SLC4A9: variants seen among roughly 807,000 people sequenced by gnomAD.
SLC4A9 encodes solute carrier family 4 member 9.
SLC4A9 carries 102 observed loss-of-function variants against 103.2 expected under a neutral mutation model. That is an observed-to-expected ratio of 0.99 (90% CI 0.84 to 1.17). SLC4A9 has a LOEUF of 1.17. SLC4A9 is among the 50% of genes most tolerant of loss of function. The pLI is 0.00. For missense variants in SLC4A9, 1,091 were observed against 1,193.7 expected (o/e 0.91, Z 1.27); for synonymous variants, 453 against 483.6 (o/e 0.94, Z 0.83).
chr5:140,362,024 A>G lies in SLC4A9; in HGVS notation c.569A>G (p.Asn190Ser). Residue 190 changes from asparagine to serine, a missense_variant, in exon 5 of 22, where the codon AAC becomes AGC. Asn to Ser is a conservative substitution (Grantham distance 46). Coordinates refer to ENST00000506757, the MANE Select transcript of SLC4A9 (RefSeq NM_031467.3). Reference sequence around the variant, plus strand: ...CCTTGAACCCCCATCCAGTGTCAGAACCCCCTGAGACAGAAGCTACCTCCA... The same window carrying G: ...CCTTGAACCCCCATCCAGTGTCAGAGCCCCCTGAGACAGAAGCTACCTCCA... ...EEAPLREQCQ[N>S]PLRQKLPPGA... 2 of 1,610,942 alleles carry G rather than the reference A, an allele frequency of 1.2e-6. No homozygotes were observed. The highest frequency in any genetic ancestry group is 8.5e-7 in the Non-Finnish European group (1 of 1,179,174).
intron 20 of SLC4A9, 165 bp from the exon 21 acceptor site, chr5:140,372,580 A>G (rs1768882493): frequency 6.9e-7 from 1 of 1,441,742 alleles, no homozygotes; most frequent in East Asian, 2.6e-5. Flanking sequence ...TTCATAGGAC[A>G]GGGGCCCTCG....
At chr5:140,372,493 C>A in intron 20 of SLC4A9, 96 bp downstream of exon 20, 1 of 1,541,750 alleles carries the variant, frequency 6.5e-7, no homozygotes. Context: ...TCCAGTAAGC[C>A]CGCAGATCTG....
intron 21 of SLC4A9, among the ~76,000 whole-genome samples, chr5:140,374,249 C>A (rs1348915539): frequency 6.6e-6 from 1 of 150,860 alleles, no homozygotes; most frequent in Non-Finnish European, 1.5e-5. Context: ...CATCTTCATG[C>A]TTCTCCAAGC....
intron 11 of SLC4A9, among the ~76,000 whole-genome samples, 180 bp downstream of exon 11, chr5:140,364,805 T>C (rs2112259): frequency 0.99 from 150,163 of 152,370 alleles, 73,999 homozygotes; most frequent in East Asian, 1. Context: ...ACAGAAGGCC[T>C]GATATCATCT....
At chr5:140,366,926 C>T (rs1453045578) in intron 14 of SLC4A9, among the ~76,000 whole-genome samples, 1 of 152,210 alleles carries the variant, frequency 6.6e-6, no homozygotes, top group Admixed American at 6.5e-5. Context: ...GACCTCCTCT[C>T]CAAATTCCCC....
chr5:140,371,686 G>A, intron 19 of SLC4A9, 62 bp downstream of exon 19: 1 of 1,572,720 alleles, frequency 6.4e-7, no homozygotes, highest in Non-Finnish European at 8.7e-7. Context: ...AGCCTGGAAG[G>A]GTGGCCAAGG....
At position 140,364,619 on chromosome 5, in the gene SLC4A9, C is replaced by T. The variant is rs1312639865; in HGVS notation, c.1645C>T (p.Pro549Ser). 6.2e-7 allele frequency: 1 copy of T among 1,600,044 alleles called. No individual in the cohort carries two copies. Among genetic ancestry groups the T allele is most frequent in the East Asian group, 2.3e-5 (1 of 44,396 alleles). The part of the protein sequence containing the change: ...AYGCLCQYPG[P>S]GGNESQWIRT... ...CGGGTGCCTCTGCCAATACCCAGGC[C>T]CAGGAGGTGGGTAAGGGAAACAGGG... is the stretch of plus-strand genomic sequence containing the variant. The change falls in exon 11 of 22, where the codon CCA (proline) becomes TCA (serine). Residue 549 changes from proline to serine, a missense_variant. Transcript: ENST00000506757.
rs781279195 is a variant in SLC4A9, at chr5:140,362,515, GTCC to G, written c.796_798del (p.Leu266del). On this transcript the variant is annotated inframe_deletion, in exon 6 of 22. Coordinates refer to ENST00000506757, the MANE Select transcript of SLC4A9 (RefSeq NM_031467.3). ...CCATGAGATGGGACGGGCAGCAGCT[GTCC>G]TCCTCAGTGACCCGGTGAGCTGAGC... is the stretch of plus-strand genomic sequence containing the variant. 2.9e-5 allele frequency: 46 copies of G among 1,614,010 alleles called. No homozygotes were observed. The highest frequency in any genetic ancestry group is 3.9e-5 in the Non-Finnish European group (46 of 1,179,878).
At chr5:140,369,365 A>G (rs892475765) in intron 17 of SLC4A9, among the ~76,000 whole-genome samples, 2 of 152,212 alleles carry the variant, frequency 1.3e-5, no homozygotes, top group African/African-American at 4.8e-5. Flanking sequence ...CACCAGAGGT[A>G]TATGGAATAT....
In SLC4A9 at chr5:140,363,867, G is replaced by C. The variant is rs1767488432; in HGVS notation, c.1219G>C (p.Gly407Arg). The change falls in exon 9 of 22, where the codon GGG becomes CGG. Residue 407 changes from glycine to arginine, a missense_variant. Coordinates refer to ENST00000506757, the MANE Select transcript of SLC4A9 (RefSeq NM_031467.3). This position sits in a 1 kb window ranked among gnomAD's most constrained non-coding sequence, Gnocchi z 4.5. ...CACTGTCACTAATGCCATCACTTTT[G>C]GGGGTCTGCTGGGAGATGCCACTGA... ...LATVTNAITF[G>R]GLLGDATDGA... is the part of the protein sequence containing the mutation. The C allele has an allele frequency of 6.2e-7, 1 of 1,613,958 alleles. No individual in the cohort carries two copies. Among genetic ancestry groups the C allele is most frequent in the Non-Finnish European group, 8.5e-7 (1 of 1,179,880 alleles).
chr5:140,366,861 C>T, intron 14 of SLC4A9, among the ~76,000 whole-genome samples: 1 of 152,176 alleles, frequency 6.6e-6, no homozygotes, highest in Admixed American at 6.5e-5. Context: ...CAGGGCATGA[C>T]AGTGTGCAGG....
At position 140,365,906 on chromosome 5, in the gene SLC4A9, C is replaced by T; in HGVS notation, c.1783C>T (p.Pro595Ser). The T allele has an allele frequency of 6.2e-7, 1 of 1,613,984 alleles. No homozygotes were observed. Among genetic ancestry groups the T allele is most frequent in the Non-Finnish European group, 8.5e-7 (1 of 1,179,880 alleles). Residue 595 changes from proline (P) to serine (S), a missense_variant, in exon 13 of 22, where the codon CCT (proline) becomes TCT (serine). Transcript: ENST00000506757. The part of the protein sequence containing the change: ...CTRQGGHPRG[P>S]GCHTVPDIAF... ...CCGGCAGGGAGGCCACCCTCGTGGC[C>T]CTGGCTGTCATACAGTCCCAGACAT...
rs1450110164 is a variant in SLC4A9, at chr5:140,375,051, T to C, written c.*270T>C. On this transcript the variant is annotated 3_prime_UTR_variant, in exon 22 of 22. Transcript: ENST00000506757. ...AACTTTCTGTCCTCACAGATTCTGTTTGACAGAATCTAAGGGCCATCAGGG... is the reference window on the plus strand; with the variant it reads ...AACTTTCTGTCCTCACAGATTCTGTCTGACAGAATCTAAGGGCCATCAGGG... 6.6e-6 allele frequency: 1 copy of C among 152,138 alleles called. No homozygotes were observed. Among genetic ancestry groups the C allele is most frequent in the Non-Finnish European group, 1.5e-5 (1 of 68,054 alleles). 9.4% of individuals were successfully genotyped at this position (152,138 alleles called of 1,614,324 possible).
chr5:140,369,777 G>A (rs551586831), intron 17 of SLC4A9, among the ~76,000 whole-genome samples: 110 of 152,216 alleles, frequency 7.2e-4, no homozygotes, highest in African/African-American at 2.4e-3. Context: ...CGAGGTGGGC[G>A]GATTGCTTGA....
At position 140,363,666 on chromosome 5, in the gene SLC4A9, A is replaced by G. The variant is rs948700013; in HGVS notation, c.1080-62A>G. The G allele has an allele frequency of 6.3e-7, 1 of 1,598,818 alleles. No individual in the cohort carries two copies. The highest frequency in any genetic ancestry group is 8.5e-7 in the Non-Finnish European group (1 of 1,171,254). ...GAGGGGCTCACCCGGTCACAGGGAA[A>G]GTAGCGGGGATGCGGGTGTGGAGTG... On this transcript the variant is annotated intron_variant, in intron 8 of 21. Transcript: ENST00000506757. This position sits in a 1 kb window ranked among gnomAD's most constrained non-coding sequence, Gnocchi z 4.5.
chr5:140,367,891 G>T lies in SLC4A9; in HGVS notation c.2347G>T (p.Gly783Cys), dbSNP rs771852043. Reference sequence around the variant, plus strand: ...CCCCGGGGAGCGCCCCAACTTCCTGGGTATCAGGTGAGGGCGGTATTTAGG... The same window carrying T: ...CCCCGGGGAGCGCCCCAACTTCCTGTGTATCAGGTGAGGGCGGTATTTAGG... Reference protein sequence around the residue: ...CAPGERPNFLGIREQRLTGLV... With the variant: ...CAPGERPNFLCIREQRLTGLV... The change falls in exon 16 of 22, where the codon GGT (glycine) becomes TGT (cysteine). Residue 783 changes from glycine to cysteine, a missense_variant. Gly to Cys is a radical substitution (Grantham distance 159). Coordinates refer to ENST00000506757, the MANE Select transcript of SLC4A9 (RefSeq NM_031467.3). 1.9e-6 allele frequency: 3 copies of T among 1,613,654 alleles called. No individual in the cohort carries two copies. The highest frequency in any genetic ancestry group is 2.7e-5 in the African/African-American group (2 of 74,926).
chr5:140,364,858 T>C (rs1428403124), intron 11 of SLC4A9, among the ~76,000 whole-genome samples: 2 of 152,220 alleles, frequency 1.3e-5, no homozygotes, highest in Non-Finnish European at 2.9e-5. Flanking sequence ...GTTATATCTG[T>C]GGGTGAATGG....
At position 140,362,149 on chromosome 5, in the gene SLC4A9, C is replaced by G. The variant is rs1400163789; in HGVS notation, c.694C>G (p.Leu232Val). 6.4e-7 allele frequency: 1 copy of G among 1,553,220 alleles called. No individual in the cohort carries two copies. Among genetic ancestry groups the G allele is most frequent in the East Asian group, 2.3e-5 (1 of 44,276 alleles). Reference protein sequence around the residue: ...RLRNPVVLGSLTEVSLPSRFF... With the variant: ...RLRNPVVLGSVTEVSLPSRFF... Reference sequence around the variant, plus strand: ...GCGGAACCCTGTGGTACTGGGGTCCCTTACTGAGGTGTCCCTCCCAAGCAG... The same window carrying G: ...GCGGAACCCTGTGGTACTGGGGTCCGTTACTGAGGTGTCCCTCCCAAGCAG... The change falls in exon 5 of 22, where the codon CTT becomes GTT. Residue 232 changes from leucine (L) to valine (V), a missense_variant. Leu to Val is a conservative substitution (Grantham distance 32). Transcript: ENST00000506757.
Position 140,372,820 on chromosome 5 carries a change from GGA to G in SLC4A9, c.*25_*26del. 6.5e-7 allele frequency: 1 copy of G among 1,542,708 alleles called. No homozygotes were observed. The highest frequency in any genetic ancestry group is 8.8e-7 in the Non-Finnish European group (1 of 1,141,770). On this transcript the variant is annotated 3_prime_UTR_variant, in exon 21 of 22. Coordinates refer to ENST00000506757, the MANE Select transcript of SLC4A9 (RefSeq NM_031467.3). ...TTAGCTGGAGTAGGAGTCTGGGAGT[GGA>G]GACCCCAGGAAACAGCATGAGGTGA...
Sources: allele counts gnomAD v4.1 joint callset (sites outside exome capture counted in the v4.1 genomes callset), GRCh38; gene constraint gnomAD v4.1.1; non-coding constraint Gnocchi (gnomAD v3.1); transcripts MANE v1.5; gene names NCBI Gene and HGNC (gene_info 2026-07-23, HGNC 2026-07-21).